The following CTNND2 variants were observed in gnomAD, a reference collection of about 807,000 sequenced individuals.
The protein encoded by CTNND2 is catenin delta 2.
CTNND2 carries 22 observed loss-of-function variants against 144.4 expected under a neutral mutation model. The observed-to-expected ratio is 0.15, with a 90% CI of 0.11 to 0.22. CTNND2 has a LOEUF of 0.22. Ranked by LOEUF, CTNND2 falls within the 10% of genes least tolerant of loss-of-function variation. The pLI, the probability that CTNND2 is intolerant of heterozygous loss-of-function variation, is 1.00. For missense variants in CTNND2, 1,353 were observed against 1,618.8 expected (o/e 0.84, Z 2.82); for synonymous variants, 751 against 695.6 (o/e 1.08, Z -1.25).
intron 3 of CTNND2, among the ~76,000 whole-genome samples, chr5:11,534,255 C>A (rs1581431397): frequency 6.6e-6 from 1 of 152,106 alleles, no homozygotes; most frequent in Non-Finnish European, 1.5e-5. Flanking sequence ...GTTGTAGGCA[C>A]TAAAATCTCA....
chr5:11,144,372 G>A (rs575526240), intron 12 of CTNND2, among the ~76,000 whole-genome samples: 1 of 152,288 alleles, frequency 6.6e-6, no homozygotes, highest in African/African-American at 2.4e-5. Flanking sequence ...GCAACGGAGG[G>A]TCGGGGAGCT....
chr5:11,204,054 C>T (rs751370870), intron 10 of CTNND2, among the ~76,000 whole-genome samples: 8 of 152,166 alleles, frequency 5.3e-5, no homozygotes, highest in Non-Finnish European at 1.0e-4. Context: ...GTGTCAATGG[C>T]TCACATTTAT....
chr5:11,807,465 G>T (rs1216056657), intron 1 of CTNND2, among the ~76,000 whole-genome samples: 3 of 152,108 alleles, frequency 2.0e-5, no homozygotes, highest in East Asian at 1.9e-4. Context: ...GGCTGCTTTT[G>T]CCCTTAGTGT....
intron 2 of CTNND2, among the ~76,000 whole-genome samples, chr5:11,717,144 C>G (rs1786398867): frequency 6.6e-6 from 1 of 151,736 alleles, no homozygotes; most frequent in African/African-American, 2.4e-5. Context: ...CTGGGATTAC[C>G]AGCATGAGCC....
In CTNND2 at chr5:11,094,172, C is replaced by T. The variant is rs1245299168; in HGVS notation, c.2637+4403G>A. Reference sequence around the variant, plus strand: ...TTATCTAGAATTATTAGGGAAGCAGCGCTTCTCATAAGCAAGACTGACATC... The same window carrying T: ...TTATCTAGAATTATTAGGGAAGCAGTGCTTCTCATAAGCAAGACTGACATC... On this transcript the variant is annotated intron_variant, in intron 15 of 21. Transcript: ENST00000304623. Among the ~76,000 whole-genome samples, 5 of 152,138 alleles carry T rather than the reference C, an allele frequency of 3.3e-5. No homozygotes were observed. In the East Asian group the frequency reaches 5.8e-4, roughly 18 times the overall value.
At chr5:11,700,961 A>C (rs1785406164) in intron 2 of CTNND2, among the ~76,000 whole-genome samples, 1 of 152,184 alleles carries the variant, frequency 6.6e-6, no homozygotes, top group African/African-American at 2.4e-5. Context: ...GTAACTATAA[A>C]ATGATTATCT....
intron 8 of CTNND2, 28 bp downstream of exon 8, chr5:11,364,668 G>C (rs746215451): frequency 6.4e-7 from 1 of 1,572,532 alleles, no homozygotes; most frequent in East Asian, 2.3e-5. Context: ...CTGTGGACAG[G>C]CCACCCAGTG....
intron 12 of CTNND2, among the ~76,000 whole-genome samples, chr5:11,130,351 G>C (rs1755464146): frequency 6.6e-6 from 1 of 152,128 alleles, no homozygotes; most frequent in African/African-American, 2.4e-5. Context: ...TTTTAAGACT[G>C]CCTGGATCCG....
intron 3 of CTNND2, among the ~76,000 whole-genome samples, chr5:11,415,015 G>C (rs759328091): frequency 1.3e-5 from 2 of 152,138 alleles, no homozygotes; most frequent in African/African-American, 2.4e-5. Flanking sequence ...GGGCATTTAG[G>C]TTGATTCCAT....
intron 9 of CTNND2, among the ~76,000 whole-genome samples, chr5:11,289,390 T>A (rs2188856): frequency 6.6e-6 from 1 of 152,118 alleles, no homozygotes; most frequent in African/African-American, 2.4e-5. Context: ...ATTCTATGCT[T>A]TTTAACTAGA....
chr5:11,613,879 C>T (rs572067236), intron 2 of CTNND2, among the ~76,000 whole-genome samples: 4 of 152,292 alleles, frequency 2.6e-5, no homozygotes, highest in South Asian at 4.1e-4. Context: ...ATCTGACTCC[C>T]GAACAAAACC....
chr5:11,312,141 C>T (rs903364830), intron 9 of CTNND2, among the ~76,000 whole-genome samples: 1 of 141,958 alleles, frequency 7.0e-6, no homozygotes, highest in African/African-American at 2.6e-5. Context: ...CATCCTCTCC[C>T]CCACCACACA....
intron 4 of CTNND2, 21 bp downstream of exon 4, chr5:11,412,014 C>T: frequency 6.3e-7 from 1 of 1,595,634 alleles, no homozygotes; most frequent in Non-Finnish European, 8.6e-7. Flanking sequence ...TGTAAGTGTT[C>T]ATCAATAAGA....
At chr5:11,653,632 G>A (rs1782763577) in intron 2 of CTNND2, among the ~76,000 whole-genome samples, 1 of 151,926 alleles carries the variant, frequency 6.6e-6, no homozygotes, top group African/African-American at 2.4e-5. Context: ...TATATATTTT[G>A]GATATTAGCC....
chr5:11,738,428 G>C (rs930414971), intron 1 of CTNND2, among the ~76,000 whole-genome samples: 2 of 152,124 alleles, frequency 1.3e-5, no homozygotes, highest in Non-Finnish European at 2.9e-5. Context: ...CAAATGAATA[G>C]TCTAAACTTT....
At chr5:11,731,529 CTTTT>C (rs1055540849) in intron 2 of CTNND2, among the ~76,000 whole-genome samples, 1 of 152,106 alleles carries the variant, frequency 6.6e-6, no homozygotes, top group African/African-American at 2.4e-5. Context: ...TTATTTACTA[CTTTT>C]TTATTTACAA....
At chr5:11,545,776 C>A (rs1430909356) in intron 3 of CTNND2, among the ~76,000 whole-genome samples, 2 of 150,322 alleles carry the variant, frequency 1.3e-5, no homozygotes, top group East Asian at 2.0e-4. Context: ...GAAATACAAA[C>A]ATGTGTGTCC....
chr5:11,428,889 C>G (rs1763024343), intron 3 of CTNND2, among the ~76,000 whole-genome samples: 2 of 152,224 alleles, frequency 1.3e-5, no homozygotes, highest in Non-Finnish European at 2.9e-5. Flanking sequence ...GAGCTACAGT[C>G]ATGCTCCTTT....
At chr5:11,536,977 A>T (rs1464378208) in intron 3 of CTNND2, among the ~76,000 whole-genome samples, 1 of 152,130 alleles carries the variant, frequency 6.6e-6, no homozygotes, top group Non-Finnish European at 1.5e-5. Flanking sequence ...CAGTATTGGT[A>T]TCTGCCTGGG....
Sources: gnomAD v4.1 joint callset for allele counts (sites outside exome capture counted in the v4.1 genomes callset) on GRCh38, gnomAD v4.1.1 for gene constraint, MANE v1.5 for transcripts, NCBI Gene and HGNC (gene_info 2026-07-23, HGNC 2026-07-21) for gene names.